The following CCDC149 variants were observed in gnomAD, a reference collection of about 807,000 sequenced individuals.
The protein encoded by CCDC149 is coiled-coil domain containing 149, also known as coiled-coil domain-containing protein 149.
A neutral mutation model predicts 59.9 loss-of-function variants in CCDC149; 45 were observed. The observed-to-expected ratio is 0.75, with a 90% confidence interval of 0.59 to 0.96. The LOEUF is 0.96. Among genes scored for constraint, CCDC149 ranks in the 40% least tolerant of loss-of-function variants. CCDC149 has a pLI of 0.00. For missense variants in CCDC149, 584 were observed against 664.7 expected, an observed-to-expected ratio of 0.88 and a Z score of 1.33; for synonymous variants, 245 against 260.6, an observed-to-expected ratio of 0.94 and a Z score of 0.58.
intron 1 of CCDC149, among the ~76,000 whole-genome samples, chr4:24,978,915 A>G (rs1285599098): frequency 1.1e-4 from 16 of 152,198 alleles, no homozygotes; most frequent in Non-Finnish European, 1.6e-4. Context: ...CTGGTTGTCC[A>G]ACACTCATGG....
At chr4:24,922,672 A>G (rs1196769351) in intron 1 of CCDC149, among the ~76,000 whole-genome samples, 2 of 152,136 alleles carry the variant, frequency 1.3e-5, no homozygotes, top group African/African-American at 4.8e-5. Flanking sequence ...CAAATGATGA[A>G]TCCCTTCTTA....
chr4:24,820,050 A>G, intron 11 of CCDC149, 75 bp from the exon 12 acceptor site: 1 of 1,076,588 alleles, frequency 9.3e-7, no homozygotes, highest in Non-Finnish European at 1.4e-6. Context: ...CACACACTTA[A>G]TCGGCACAGG....
chr4:24,845,685 G>T (rs1033535442), intron 4 of CCDC149, among the ~76,000 whole-genome samples: 1 of 152,198 alleles, frequency 6.6e-6, no homozygotes, highest in African/African-American at 2.4e-5. Flanking sequence ...TTTGCTGTTA[G>T]CCCTAGACCA....
At chr4:24,859,396 T>C (rs1357939158) in intron 3 of CCDC149, among the ~76,000 whole-genome samples, 1 of 152,122 alleles carries the variant, frequency 6.6e-6, no homozygotes, top group East Asian at 1.9e-4. Context: ...CCCTTGAGCA[T>C]CCCTTTATGA....
Position 24,837,127 on chromosome 4 carries a change from A to C in CCDC149, c.662+101T>G, listed in dbSNP as rs1189355880. 1.7e-6 allele frequency: 2 copies of C among 1,149,640 alleles called. No individual in the cohort carries two copies. Among genetic ancestry groups the C allele is most frequent in the Non-Finnish European group, 2.4e-6 (2 of 817,398 alleles). The allele number at this position is 1,149,640 out of a possible 1,614,324, so 71.2% of individuals were successfully genotyped here. A position where few individuals can be genotyped will look rare whatever the true frequency, so the allele number is the denominator to read the frequency against. On this transcript the variant is annotated intron_variant, in intron 6 of 12. Transcript: ENST00000635206. The surrounding 1 kb of genome is among the most constrained non-coding windows in gnomAD (Gnocchi z 4.3). ...GTGAGTTTCTTTTCACTTGTAAGGC[A>C]ATTTTCTCCAAAATAAATAGGGCTG...
upstream of CCDC149, among the ~76,000 whole-genome samples, chr4:24,917,053 C>T (rs1415640238): frequency 6.6e-6 from 1 of 152,100 alleles, no homozygotes; most frequent in Non-Finnish European, 1.5e-5. Flanking sequence ...AAGCTTCTCT[C>T]TCCTCCCCCT....
intron 1 of CCDC149, among the ~76,000 whole-genome samples, chr4:24,951,715 A>ATACC (rs1271016923): frequency 6.6e-6 from 1 of 152,224 alleles, no homozygotes; most frequent in African/African-American, 2.4e-5. Context: ...GTGGCCATTT[A>ATACC]TACCTCACAG....
In CCDC149 at chr4:24,837,170, G is replaced by T; in HGVS notation, c.662+58C>A. The T allele has an allele frequency of 6.6e-7, 1 of 1,516,534 alleles. No homozygotes were observed. The highest frequency in any genetic ancestry group is 1.2e-5 in the South Asian group (1 of 83,714). 93.9% of individuals were successfully genotyped at this position (1,516,534 alleles called of 1,614,324 possible). A position where few individuals can be genotyped will look rare whatever the true frequency, so the allele number is the denominator to read the frequency against. ...TAGGGCTGCAAATAACTCCCAGCCT[G>T]CAGGCCTGTGCAGAGCCAGCCTTCC... On this transcript the variant is annotated intron_variant, in intron 6 of 12. Coordinates refer to ENST00000635206, the MANE Select transcript of CCDC149 (RefSeq NM_001330643.2). This position sits in a 1 kb window ranked among gnomAD's most constrained non-coding sequence, Gnocchi z 4.3.
At chr4:24,893,837 C>G (rs1036182797) in intron 1 of CCDC149, among the ~76,000 whole-genome samples, 1 of 151,758 alleles carries the variant, frequency 6.6e-6, no homozygotes, top group African/African-American at 2.4e-5. Flanking sequence ...AACTCCTGAC[C>G]TCAGGTGATC....
At chr4:24,976,359 G>C (rs905908235) in intron 1 of CCDC149, among the ~76,000 whole-genome samples, 14 of 152,158 alleles carry the variant, frequency 9.2e-5, no homozygotes, top group Admixed American at 3.9e-4. Flanking sequence ...GCCTGTGTCA[G>C]GGTGAAGGGC....
At chr4:24,852,287 TAC>T (rs768071017) in intron 4 of CCDC149, among the ~76,000 whole-genome samples, 12,069 of 121,068 alleles carry the variant, frequency 0.1, 578 homozygotes, top group South Asian at 0.16. Flanking sequence ...CAACACACCA[TAC>T]ACACACACAC....
intron 1 of CCDC149, among the ~76,000 whole-genome samples, chr4:24,877,003 A>G (rs1719483075): frequency 6.6e-6 from 1 of 152,224 alleles, no homozygotes; most frequent in South Asian, 2.1e-4. Flanking sequence ...AAGGATTTAT[A>G]TATCCAGATA....
intron 8 of CCDC149, 68 bp from the exon 9 acceptor site, chr4:24,831,718 C>G (rs920740274): frequency 1.4e-6 from 2 of 1,432,392 alleles, no homozygotes; most frequent in Non-Finnish European, 1.9e-6. Context: ...AAACCAATGT[C>G]AATCCTTCTT....
rs1723063940 is a variant in CCDC149, at chr4:24,944,962, TC to T, written c.-65+35106del. ...CCCTACTCCCACAAACCCTCCTTTC[TC>T]CTTAAATGGAAAAATACCTGCATGT... On this transcript the variant is annotated intron_variant, in intron 1 of 12. Transcript: ENST00000389609. Among the ~76,000 whole-genome samples, 7 of 152,294 alleles carry T rather than the reference TC, an allele frequency of 4.6e-5. No individual in the cohort carries two copies. The South Asian group carries it at 1.5e-3, about 32-fold the overall frequency.
chr4:24,943,884 A>G (rs1270320674), intron 1 of CCDC149, among the ~76,000 whole-genome samples: 1 of 152,250 alleles, frequency 6.6e-6, no homozygotes, highest in Non-Finnish European at 1.5e-5. Context: ...AATGGTGATC[A>G]TTAAAAAGTC....
At position 24,912,856 on chromosome 4, in the gene CCDC149, G is replaced by A. The variant is rs1721974397; in HGVS notation, c.24C>T (p.Gly8=). Reference sequence around the variant, plus strand: ...CCTGCCAGTCGCTCTCAGTCCGGTCGCCGTTCATGGCCTCCTCCTCCATGC... The same window carrying A: ...CCTGCCAGTCGCTCTCAGTCCGGTCACCGTTCATGGCCTCCTCCTCCATGC... Residue 8 remains glycine (G), a synonymous_variant, in exon 1 of 13, where the codon GGC becomes GGT. Coordinates refer to ENST00000635206, the MANE Select transcript of CCDC149 (RefSeq NM_001330643.2). 7.3e-7 allele frequency: 1 copy of A among 1,376,360 alleles called. No homozygotes were observed. Among genetic ancestry groups the A allele is most frequent in the Non-Finnish European group, 9.5e-7 (1 of 1,050,354 alleles). The allele number at this position is 1,376,360 out of a possible 1,614,324, so 85.3% of individuals were successfully genotyped here.
chr4:24,859,892 T>C (rs962942603), intron 3 of CCDC149, among the ~76,000 whole-genome samples: 7 of 152,042 alleles, frequency 4.6e-5, no homozygotes, highest in African/African-American at 1.7e-4. Context: ...ACCAAGGAGA[T>C]GAAAGACCTC....
At chr4:24,862,844 AT>A (rs1336058446) in intron 3 of CCDC149, among the ~76,000 whole-genome samples, 1 of 151,918 alleles carries the variant, frequency 6.6e-6, no homozygotes, top group Admixed American at 6.6e-5. Context: ...CCTGAGTTTT[AT>A]TTTTTTCTGT....
At chr4:24,872,598 A>G (rs1368201927) in intron 3 of CCDC149, among the ~76,000 whole-genome samples, 3 of 151,962 alleles carry the variant, frequency 2.0e-5, no homozygotes, top group Non-Finnish European at 4.4e-5. Flanking sequence ...GTATGTACCC[A>G]CTGAACAGTA....
Sources: gnomAD v4.1 joint callset for allele counts (sites outside exome capture counted in the v4.1 genomes callset) on GRCh38, gnomAD v4.1.1 for gene constraint, Gnocchi (gnomAD v3.1) non-coding constraint, MANE v1.5 for transcripts, NCBI Gene and HGNC (gene_info 2026-07-23, HGNC 2026-07-21) for gene names.